Variants in RCBTB2 observed in about 807,000 individuals in gnomAD.
RCBTB2 encodes the protein RCC1 and BTB domain-containing protein 2.
A neutral mutation model predicts 65.4 loss-of-function variants in RCBTB2; 55 were observed. The ratio of observed to expected loss-of-function variants is 0.84; its 90% CI spans 0.68 to 1.05. The LOEUF (loss-of-function observed/expected upper bound fraction) is 1.05, where lower values mean the gene tolerates loss of function less well. RCBTB2 is among the 50% of genes least tolerant of loss of function. RCBTB2 has a pLI of 0.00. For missense variants in RCBTB2, 599 were observed against 680.1 expected, an observed-to-expected ratio of 0.88 and a Z score of 1.33; for synonymous variants, 220 against 255.2, an observed-to-expected ratio of 0.86 and a Z score of 1.31.
Position 48,490,123 on chromosome 13 carries a change from G to T in RCBTB2, c.1644C>A (p.Ala548=), listed in dbSNP as rs1949634423. Residue 548 remains alanine (A), a synonymous_variant, in exon 15 of 15, where the codon GCC becomes GCA. Transcript: ENST00000344532. ...NFISKASRVG[A]FKN is the part of the protein sequence containing the mutation. ...CCTGCAGATGGGATCAATTTTTAAA[G>T]GCTCCAACTCTGCTTGCTTTGCTGA... is the stretch of plus-strand genomic sequence containing the variant. 1.2e-6 allele frequency: 2 copies of T among 1,613,992 alleles called. No homozygotes were observed. The highest frequency in any genetic ancestry group is 1.7e-6 in the Non-Finnish European group (2 of 1,179,958).
At chr13:48,520,774 T>C (rs1461344074) in intron 4 of RCBTB2, among the ~76,000 whole-genome samples, 1 of 152,184 alleles carries the variant, frequency 6.6e-6, no homozygotes, top group African/African-American at 2.4e-5. Context: ...TATCAAGTTG[T>C]TGCAATTCAA....
Position 48,490,049 on chromosome 13 carries a change from T to A in RCBTB2, c.*62A>T. On this transcript the variant is annotated 3_prime_UTR_variant, in exon 15 of 15. Coordinates refer to ENST00000344532, the MANE Select transcript of RCBTB2 (RefSeq NM_001268.4). ...ATACATACTATTAATTAAAGAGAAG[T>A]GATTCATCTCTGGCTTTTGCAGGGG... 1 of 1,538,994 alleles carries A rather than the reference T, an allele frequency of 6.5e-7. No homozygotes were observed.
intron 10 of RCBTB2, among the ~76,000 whole-genome samples, chr13:48,508,761 G>A (rs1038733159): frequency 6.6e-6 from 1 of 152,158 alleles, no homozygotes. Context: ...AGACAGAAAT[G>A]CAATAGATAA....
chr13:48,507,713 T>G (rs1950575005), intron 10 of RCBTB2, among the ~76,000 whole-genome samples: 1 of 152,174 alleles, frequency 6.6e-6, no homozygotes, highest in Non-Finnish European at 1.5e-5. Context: ...AATCCTGGTT[T>G]TGTAAGAGCC....
At position 48,489,860 on chromosome 13, in the gene RCBTB2, G is replaced by A. The variant is rs1328652765; in HGVS notation, c.*251C>T. The A allele has an allele frequency of 4.1e-6, 2 of 489,368 alleles. No homozygotes were observed. Among genetic ancestry groups the A allele is most frequent in the Non-Finnish European group, 7.3e-6 (2 of 274,586 alleles). 30.3% of individuals were successfully genotyped at this position (489,368 alleles called of 1,614,324 possible). A position where few individuals can be genotyped will look rare whatever the true frequency, so the allele number is the denominator to read the frequency against. On this transcript the variant is annotated 3_prime_UTR_variant, in exon 15 of 15. Coordinates refer to ENST00000344532, the MANE Select transcript of RCBTB2 (RefSeq NM_001268.4). The stretch of plus-strand genomic sequence containing the variant: ...GTCCAATTTAAGTGACTCAAAAAGA[G>A]GAAATGGTAAATAAGATATTTCAAT...
intron 1 of RCBTB2, among the ~76,000 whole-genome samples, chr13:48,530,243 G>A (rs1952037180): frequency 6.6e-6 from 1 of 152,142 alleles, no homozygotes; most frequent in South Asian, 2.1e-4. Context: ...AACAGTAGCA[G>A]TATCTTGGGG....
chr13:48,530,148 C>A (rs1268777211), intron 1 of RCBTB2, among the ~76,000 whole-genome samples: 1 of 152,082 alleles, frequency 6.6e-6, no homozygotes, highest in Non-Finnish European at 1.5e-5. Flanking sequence ...CATTTGACTG[C>A]CTTGGTCTCC....
chr13:48,527,322 T>TATATATATATATATC (rs1951801906), intron 1 of RCBTB2, among the ~76,000 whole-genome samples: 1 of 123,492 alleles, frequency 8.1e-6, no homozygotes, highest in African/African-American at 4.7e-5. Context: ...ACTTGGCTCA[T>TATATATATATATATC]ATATATATAT....
At chr13:48,496,478 G>A (rs887957607) in intron 13 of RCBTB2, among the ~76,000 whole-genome samples, 157 bp from the exon 14 acceptor site, 1 of 152,052 alleles carries the variant, frequency 6.6e-6, no homozygotes, top group African/African-American at 2.4e-5. Context: ...ACACTTCAGT[G>A]TGGGGCTCTA....
intron 10 of RCBTB2, among the ~76,000 whole-genome samples, chr13:48,509,408 G>A (rs912462186): frequency 6.6e-6 from 1 of 152,124 alleles, no homozygotes; most frequent in Non-Finnish European, 1.5e-5. Context: ...CTTTAACTCT[G>A]TTTTTCAGTT....
At chr13:48,519,283 G>A (rs971875965) in intron 4 of RCBTB2, among the ~76,000 whole-genome samples, 1 of 152,028 alleles carries the variant, frequency 6.6e-6, no homozygotes, top group African/African-American at 2.4e-5. Flanking sequence ...ACCTACTGTG[G>A]GTTGTCTTCC....
chr13:48,526,152 T>G (rs2138636045), intron 1 of RCBTB2, among the ~76,000 whole-genome samples: 1 of 152,362 alleles, frequency 6.6e-6, no homozygotes, highest in East Asian at 1.9e-4. Flanking sequence ...GCTATCATTC[T>G]AATTTTGCCT....
intron 14 of RCBTB2, among the ~76,000 whole-genome samples, chr13:48,495,337 T>C (rs148368922): frequency 0.01 from 1,586 of 152,318 alleles, 22 homozygotes; most frequent in African/African-American, 0.037. Context: ...TTTTTTTCTA[T>C]GTAGATAATG....
intron 10 of RCBTB2, among the ~76,000 whole-genome samples, chr13:48,507,583 A>G (rs906700371): frequency 8.5e-5 from 13 of 152,254 alleles, no homozygotes; most frequent in African/African-American, 3.1e-4. Flanking sequence ...GAAATGAAAA[A>G]GCAGAGAGTG....
intron 14 of RCBTB2, among the ~76,000 whole-genome samples, chr13:48,490,688 G>A (rs1398288832): frequency 6.6e-6 from 1 of 152,206 alleles, no homozygotes; most frequent in Non-Finnish European, 1.5e-5. Flanking sequence ...AAAAAGGTAA[G>A]CCATAAAAAG....
intron 14 of RCBTB2, among the ~76,000 whole-genome samples, chr13:48,492,817 C>T (rs1279962796): frequency 6.6e-6 from 1 of 152,222 alleles, no homozygotes; most frequent in Non-Finnish European, 1.5e-5. Flanking sequence ...AGGACTTAAT[C>T]TTCAAACCTG....
At chr13:48,499,168 T>TCACACA (rs897430573) in intron 13 of RCBTB2, among the ~76,000 whole-genome samples, 1 of 137,928 alleles carries the variant, frequency 7.3e-6, no homozygotes, top group African/African-American at 2.7e-5. Flanking sequence ...TCTCTCTCTC[T>TCACACA]CACACACACA....
At position 48,493,655 on chromosome 13, in the gene RCBTB2, C is replaced by T. The variant is rs953980415; in HGVS notation, c.1515+2536G>A. On this transcript the variant is annotated intron_variant, in intron 14 of 14. Coordinates refer to ENST00000344532, the MANE Select transcript of RCBTB2 (RefSeq NM_001268.4). ...CAGAACACACCACCCACACCTCCTT[C>T]AGGTCTCTGCTTGAGTCACCTGCTC... Among the ~76,000 whole-genome samples, 3 of 152,022 alleles carry T rather than the reference C, an allele frequency of 2.0e-5. No individual in the cohort carries two copies. The South Asian group carries it at 6.2e-4, about 31-fold the overall frequency.
At chr13:48,509,776 T>C (rs191161764) in intron 10 of RCBTB2, among the ~76,000 whole-genome samples, 13 of 152,202 alleles carry the variant, frequency 8.5e-5, no homozygotes, top group Admixed American at 7.9e-4. Flanking sequence ...TTCATTTTCA[T>C]TGTTAAGTAT....
Sources: gnomAD v4.1 joint callset for allele counts (sites outside exome capture counted in the v4.1 genomes callset) on GRCh38, gnomAD v4.1.1 for gene constraint, MANE v1.5 for transcripts, NCBI Gene and HGNC (gene_info 2026-07-23, HGNC 2026-07-21) for gene names.